EPHA6: variants seen among roughly 807,000 people sequenced by gnomAD.
EPHA6 encodes the protein ephrin type-A receptor 6.
Under a neutral mutation model 112.0 loss-of-function variants are expected in EPHA6, and 50 were observed. That is an observed-to-expected ratio of 0.45 (90% CI 0.36 to 0.56). The LOEUF (loss-of-function observed/expected upper bound fraction) is 0.56, where lower values mean the gene tolerates loss of function less well. Ranked by LOEUF, EPHA6 falls within the 20% of genes least tolerant of loss-of-function variation. EPHA6 has a pLI of 0.00. For synonymous variants in EPHA6, 529 were observed against 490.7 expected (o/e 1.08, Z -1.03); for missense variants, 1,280 against 1,417.4 (o/e 0.90, Z 1.56).
intron 3 of EPHA6, among the ~76,000 whole-genome samples, chr3:97,203,034 A>T (rs1050255129): frequency 2.0e-5 from 3 of 152,092 alleles, no homozygotes; most frequent in African/African-American, 4.8e-5. Flanking sequence ...GGCAGGGGTC[A>T]GCTCTTACAG....
chr3:96,891,343 A>G (rs942473505), intron 2 of EPHA6, among the ~76,000 whole-genome samples: 6 of 152,226 alleles, frequency 3.9e-5, no homozygotes, highest in Non-Finnish European at 7.3e-5. Context: ...CAAAGAGCAC[A>G]TACAGTGTGA....
chr3:97,566,645 A>C (rs2093271137), intron 11 of EPHA6, among the ~76,000 whole-genome samples: 1 of 152,162 alleles, frequency 6.6e-6, no homozygotes, highest in Non-Finnish European at 1.5e-5. Flanking sequence ...TAATTCAAAG[A>C]GAGTGTTTTG....
At chr3:97,637,824 C>A (rs182541879) in intron 13 of EPHA6, 49 bp from the exon 14 acceptor site, 2 of 1,372,928 alleles carry the variant, frequency 1.5e-6, no homozygotes, top group Non-Finnish European at 1.0e-6. Context: ...CACACACGCA[C>A]ACACTGCATT....
chr3:97,285,585 C>A (rs1184294283), intron 5 of EPHA6, among the ~76,000 whole-genome samples: 2 of 151,914 alleles, frequency 1.3e-5, no homozygotes, highest in African/African-American at 2.4e-5. Flanking sequence ...AGATAGTATT[C>A]CATTGTGTAT....
intron 1 of EPHA6, among the ~76,000 whole-genome samples, chr3:96,864,297 A>G (rs1176568908): frequency 6.6e-6 from 1 of 152,066 alleles, no homozygotes; most frequent in Non-Finnish European, 1.5e-5. Context: ...CCTATGTATA[A>G]TGTTCTTAAC....
At chr3:97,485,369 T>C (rs900161040) in intron 10 of EPHA6, among the ~76,000 whole-genome samples, 1 of 152,154 alleles carries the variant, frequency 6.6e-6, no homozygotes, top group Non-Finnish European at 1.5e-5. Flanking sequence ...AGGGCACACC[T>C]AAACTCAAGG....
intron 11 of EPHA6, among the ~76,000 whole-genome samples, chr3:97,573,012 G>C (rs149366728): frequency 3.3e-5 from 5 of 152,064 alleles, no homozygotes; most frequent in African/African-American, 9.7e-5. Context: ...GCCTACATAC[G>C]TCTTAACAAA....
chr3:97,567,124 CTTA>C (rs1181532394), intron 11 of EPHA6, among the ~76,000 whole-genome samples: 1 of 152,192 alleles, frequency 6.6e-6, no homozygotes, highest in African/African-American at 2.4e-5. Context: ...ATCTGGCACA[CTTA>C]TTGTTGTAGT....
chr3:97,459,082 C>A (rs746105192), intron 7 of EPHA6, among the ~76,000 whole-genome samples: 2 of 152,066 alleles, frequency 1.3e-5, no homozygotes, highest in South Asian at 4.1e-4. Context: ...CAAACTTGGC[C>A]GTGAAAGTAG....
intron 5 of EPHA6, among the ~76,000 whole-genome samples, chr3:97,310,479 G>A (rs1236534439): frequency 6.6e-6 from 1 of 151,284 alleles, no homozygotes; most frequent in Non-Finnish European, 1.5e-5. Flanking sequence ...CACCTGTGGG[G>A]TATTTGAGAA....
Position 97,690,736 on chromosome 3 carries a change from G to A in EPHA6, c.2785-29525G>A, listed in dbSNP as rs752702542. ...ACCCACCTCCATTTCCCAAAGTGCT[G>A]GGATTACAGGTGTGAGCCACCATGC... is the stretch of plus-strand genomic sequence containing the variant. On this transcript the variant is annotated intron_variant, in intron 14 of 17. Coordinates refer to ENST00000389672, the MANE Select transcript of EPHA6 (RefSeq NM_001080448.3). Among the ~76,000 whole-genome samples the A allele has an allele frequency of 2.0e-5, 3 of 152,254 alleles. No homozygotes were observed. The South Asian group carries it at 6.2e-4, about 32-fold the overall frequency.
chr3:97,581,500 A>C (rs760532069), intron 11 of EPHA6, among the ~76,000 whole-genome samples: 1 of 152,246 alleles, frequency 6.6e-6, no homozygotes, highest in Non-Finnish European at 1.5e-5. Flanking sequence ...TGTAAGATAC[A>C]TGAAAAGAAA....
At position 97,426,953 on chromosome 3, in the gene EPHA6, A is replaced by G. The variant is rs145923568; in HGVS notation, c.1732-21615A>G. On this transcript the variant is annotated intron_variant, in intron 6 of 17. Coordinates refer to ENST00000389672, the MANE Select transcript of EPHA6 (RefSeq NM_001080448.3). The stretch of plus-strand genomic sequence containing the variant: ...TTATATAAAATAAGTCATCATCACT[A>G]ATCTTTGGGAGAAATGCAAATCAAA... 4.8e-3 allele frequency among the ~76,000 whole-genome samples: 729 copies of G among 152,322 alleles called. 7 individuals carry two copies. The highest frequency in any genetic ancestry group is 0.017 in the African/African-American group (703 of 41,582).
chr3:97,576,689 C>T (rs1029721987), intron 11 of EPHA6, among the ~76,000 whole-genome samples: 4 of 152,022 alleles, frequency 2.6e-5, no homozygotes, highest in African/African-American at 7.2e-5. Context: ...AAACCTCTTT[C>T]GTGTATAAAA....
At chr3:97,543,922 G>T (rs1425665979) in intron 11 of EPHA6, among the ~76,000 whole-genome samples, 1 of 152,142 alleles carries the variant, frequency 6.6e-6, no homozygotes, top group East Asian at 1.9e-4. Flanking sequence ...GAATGCTTGT[G>T]ATTTTTGTAC....
In EPHA6 at chr3:97,448,679, A is replaced by T. The variant is rs764707272; in HGVS notation, c.1843A>T (p.Thr615Ser). 1.2e-6 allele frequency: 2 copies of T among 1,613,566 alleles called. No individual in the cohort carries two copies. Among genetic ancestry groups the T allele is most frequent in the Non-Finnish European group, 1.7e-6 (2 of 1,179,574 alleles). Residue 615 changes from threonine (T) to serine (S), a missense_variant, in exon 7 of 18, where the codon ACA becomes TCA. Transcript: ENST00000389672. Reference protein sequence around the residue: ...YVFHIRVRTATGYSGYSQKFE... With the variant: ...YVFHIRVRTASGYSGYSQKFE... Reference sequence around the variant, plus strand: ...ATTTCACATCCGAGTGAGAACTGCGACAGGATACAGTGGCTACAGTCAGAA... The same window carrying T: ...ATTTCACATCCGAGTGAGAACTGCGTCAGGATACAGTGGCTACAGTCAGAA...
At chr3:96,876,363 G>A (rs1260001743) in intron 2 of EPHA6, among the ~76,000 whole-genome samples, 1 of 151,156 alleles carries the variant, frequency 6.6e-6, no homozygotes, top group Non-Finnish European at 1.5e-5. Flanking sequence ...TATATCATCA[G>A]CTTCATCTGT....
chr3:96,880,622 A>T (rs2037255810), intron 2 of EPHA6, among the ~76,000 whole-genome samples: 2 of 152,078 alleles, frequency 1.3e-5, no homozygotes, highest in Non-Finnish European at 2.9e-5. Flanking sequence ...TTGTACAACC[A>T]CTGCCTCTAT....
At chr3:96,951,757 G>A (rs2041545172) in intron 2 of EPHA6, among the ~76,000 whole-genome samples, 1 of 152,080 alleles carries the variant, frequency 6.6e-6, no homozygotes, top group Admixed American at 6.5e-5. Flanking sequence ...AAATGTCCAA[G>A]TTATATTATG....
Sources: allele counts gnomAD v4.1 joint callset (sites outside exome capture counted in the v4.1 genomes callset), GRCh38; gene constraint gnomAD v4.1.1; transcripts MANE v1.5; gene names NCBI Gene and HGNC (gene_info 2026-07-23, HGNC 2026-07-21).